The following ENTHD1 variants were observed in gnomAD, a reference collection of about 807,000 sequenced individuals.
The protein encoded by ENTHD1 is ENTH domain-containing protein 1.
In ENTHD1, 23 loss-of-function variants were observed where a neutral mutation model predicts 39.1. The observed-to-expected ratio is 0.59, with a 90% CI of 0.42 to 0.83. The LOEUF is 0.83. Ranked by LOEUF, ENTHD1 falls within the 40% of genes least tolerant of loss-of-function variation. The probability of loss-of-function intolerance (pLI) is 0.00; values close to 1 mark genes in which losing one functional copy is unlikely to be tolerated. For synonymous variants in ENTHD1, 230 were observed against 258.2 expected (o/e 0.89, Z 1.05); for missense variants, 624 against 705.4 (o/e 0.88, Z 1.31).
At chr22:39,762,179 G>T (rs527786443) in intron 6 of ENTHD1, among the ~76,000 whole-genome samples, 1 of 152,058 alleles carries the variant, frequency 6.6e-6, no homozygotes, top group African/African-American at 2.4e-5. Flanking sequence ...GGTCAGACTC[G>T]CTGGGGTCCC....
chr22:39,870,375 T>C (rs1011534953), intron 2 of ENTHD1, among the ~76,000 whole-genome samples: 1 of 151,936 alleles, frequency 6.6e-6, no homozygotes, highest in African/African-American at 2.4e-5. Flanking sequence ...ATTAAAAAGA[T>C]TAATTAAAAG....
chr22:39,777,897 A>G (rs1362195582), intron 5 of ENTHD1, among the ~76,000 whole-genome samples: 1 of 152,206 alleles, frequency 6.6e-6, no homozygotes, highest in Non-Finnish European at 1.5e-5. Flanking sequence ...TCTTTCCGCT[A>G]GTGAGAGTTT....
At chr22:39,748,595 T>TG (rs928255952) in intron 6 of ENTHD1, among the ~76,000 whole-genome samples, 19 of 151,844 alleles carry the variant, frequency 1.3e-4, no homozygotes, top group African/African-American at 4.4e-4. Flanking sequence ...TATTTTTTTT[T>TG]TGTGTTTTTA....
At chr22:39,819,913 C>G (rs903842324) in intron 5 of ENTHD1, among the ~76,000 whole-genome samples, 4 of 152,154 alleles carry the variant, frequency 2.6e-5, no homozygotes, top group Non-Finnish European at 4.4e-5. Context: ...TCAGGGGGTG[C>G]AGAATACAAA....
intron 3 of ENTHD1, among the ~76,000 whole-genome samples, chr22:39,851,038 T>G (rs2066033116): frequency 1.3e-5 from 2 of 152,186 alleles, no homozygotes; most frequent in African/African-American, 4.8e-5. Context: ...TAAACTCTCT[T>G]CGTTTTTTTA....
At chr22:39,821,891 A>T (rs577910809) in intron 4 of ENTHD1, among the ~76,000 whole-genome samples, 1 of 152,308 alleles carries the variant, frequency 6.6e-6, no homozygotes, top group Non-Finnish European at 1.5e-5. Context: ...GGCACTAATC[A>T]TATTCATGAG....
chr22:39,857,440 T>C (rs1302395340), intron 3 of ENTHD1, among the ~76,000 whole-genome samples: 2 of 73,410 alleles, frequency 2.7e-5, no homozygotes, highest in East Asian at 3.7e-4. Flanking sequence ...TGAAACTCCG[T>C]CTCAAAAAAA....
intron 2 of ENTHD1, among the ~76,000 whole-genome samples, chr22:39,877,274 A>C (rs1193806315): frequency 6.6e-6 from 1 of 152,244 alleles, no homozygotes; most frequent in Admixed American, 6.5e-5. Flanking sequence ...CACATGGTGC[A>C]TGCTTCTTGC....
In ENTHD1 at chr22:39,863,704, C is replaced by T. The variant is rs1003723373; in HGVS notation, c.350-1697G>A. 1.3e-5 allele frequency among the ~76,000 whole-genome samples: 2 copies of T among 152,166 alleles called. 1 individual carries two copies. The highest frequency in any genetic ancestry group is 4.1e-4 in the South Asian group (2 of 4,828). The stretch of plus-strand genomic sequence containing the variant: ...AATAAACTGAAAAGTCCCTAATGAT[C>T]CACTTGTATGTTCATTTTGGGCTCT... On this transcript the variant is annotated intron_variant, in intron 2 of 6. Coordinates refer to ENST00000325157, the MANE Select transcript of ENTHD1 (RefSeq NM_152512.4).
At chr22:39,780,375 C>CA (rs34934042) in intron 5 of ENTHD1, among the ~76,000 whole-genome samples, 3,123 of 134,098 alleles carry the variant, frequency 0.023, 81 homozygotes, top group African/African-American at 0.058. Context: ...AGACTAGTCT[C>CA]AAAAAAAAAA....
Position 39,835,938 on chromosome 22 carries a change from A to C in ENTHD1, c.613T>G (p.Leu205Val), listed in dbSNP as rs763080060. Reference protein sequence around the residue: ...HNKRNVCKAGLKQEHCQDVHL... With the variant: ...HNKRNVCKAGVKQEHCQDVHL... ...ACATCTTGGCAATGCTCTTGTTTCA[A>C]TCCTGCCTTGCACACATTTCCTGTC... The change falls in exon 4 of 7, where the codon TTG becomes GTG. Residue 205 changes from leucine to valine, a missense_variant. By Grantham distance (32) the Leu-to-Val change is conservative (BLOSUM62 1). Transcript: ENST00000325157. 6.2e-7 allele frequency: 1 copy of C among 1,607,826 alleles called. No individual in the cohort carries two copies. The highest frequency in any genetic ancestry group is 1.7e-5 in the Admixed American group (1 of 59,370).
rs535494136 is a variant in ENTHD1 at position 39,750,917 on chromosome 22, C to G, written c.1220-6634G>C. On this transcript the variant is annotated intron_variant, in intron 6 of 6. Transcript: ENST00000325157. ...AGCTACTGAAATGAACAAACAGCAC[C>G]CAGGTGCTAGTATAGTCATCATCCA... 13 of 156,670 alleles carry G rather than the reference C, an allele frequency of 8.3e-5. No individual in the cohort carries two copies. The South Asian group carries it at 2.6e-3, about 32-fold the overall frequency. The allele number at this position is 156,670 out of a possible 1,614,324, so 9.7% of individuals were successfully genotyped here. A position where few individuals can be genotyped will look rare whatever the true frequency, so the allele number is the denominator to read the frequency against.
intron 6 of ENTHD1, among the ~76,000 whole-genome samples, chr22:39,749,781 G>T (rs373778420): frequency 1.3e-5 from 2 of 152,230 alleles, no homozygotes; most frequent in South Asian, 2.1e-4. Context: ...TGATAGGTTA[G>T]CTGGGAACAG....
At chr22:39,823,786 T>TTA (rs1398569490) in intron 4 of ENTHD1, among the ~76,000 whole-genome samples, 10 of 152,332 alleles carry the variant, frequency 6.6e-5, no homozygotes, top group Admixed American at 2.0e-4. Context: ...ACCAGTAATA[T>TTA]ATTCGTGTTT....
At chr22:39,781,864 A>G (rs1174259196) in intron 5 of ENTHD1, among the ~76,000 whole-genome samples, 4 of 152,256 alleles carry the variant, frequency 2.6e-5, no homozygotes, top group Admixed American at 1.3e-4. Flanking sequence ...AAGAATCATT[A>G]GAGACTATTA....
intron 5 of ENTHD1, among the ~76,000 whole-genome samples, chr22:39,802,287 C>T (rs2065605294): frequency 6.6e-6 from 1 of 152,136 alleles, no homozygotes; most frequent in African/African-American, 2.4e-5. Flanking sequence ...GATAAAGACT[C>T]AAGACTCAGA....
intron 5 of ENTHD1, among the ~76,000 whole-genome samples, chr22:39,820,187 A>T (rs533031803): frequency 4.6e-5 from 7 of 152,266 alleles, no homozygotes; most frequent in African/African-American, 1.7e-4. Flanking sequence ...AAACTATAGC[A>T]CTTATACACT....
chr22:39,822,997 C>G (rs1394383370), intron 4 of ENTHD1, among the ~76,000 whole-genome samples: 1 of 152,168 alleles, frequency 6.6e-6, no homozygotes, highest in Admixed American at 6.5e-5. Context: ...CTATCACAAT[C>G]ACAAGAATCC....
intron 4 of ENTHD1, among the ~76,000 whole-genome samples, 196 bp downstream of exon 4, chr22:39,835,644 T>A (rs1008671517): frequency 3.1e-4 from 47 of 151,780 alleles, no homozygotes; most frequent in Admixed American, 1.2e-3. Context: ...AAGACAAATT[T>A]AAAAAAAACC....
Sources: gnomAD v4.1 joint callset for allele counts (sites outside exome capture counted in the v4.1 genomes callset) on GRCh38, gnomAD v4.1.1 for gene constraint, MANE v1.5 for transcripts, NCBI Gene and HGNC (gene_info 2026-07-23, HGNC 2026-07-21) for gene names.